BLK: variants seen among roughly 807,000 people sequenced by gnomAD.
The protein encoded by BLK is BLK proto-oncogene, Src family tyrosine kinase, also known as tyrosine-protein kinase Blk.
BLK carries 64 observed loss-of-function variants against 61.8 expected under a neutral mutation model. That is an observed-to-expected ratio of 1.03 (90% confidence interval 0.85 to 1.27). The LOEUF (loss-of-function observed/expected upper bound fraction) is 1.27, where lower values mean the gene tolerates loss of function less well. Among genes scored for constraint, BLK ranks in the 50% most tolerant of loss-of-function variants. The pLI is 0.00. For synonymous variants in BLK, 351 were observed against 272.0 expected (o/e 1.29, Z -2.86); for missense variants, 853 against 660.5 (o/e 1.29, Z -3.19).
intron 1 of BLK, among the ~76,000 whole-genome samples, chr8:11,538,663 G>A (rs1045501858): frequency 6.6e-6 from 1 of 152,220 alleles, no homozygotes. Context: ...AGAAAGACAA[G>A]AGGGCTGGTC....
intron 5 of BLK, among the ~76,000 whole-genome samples, chr8:11,549,343 A>G (rs2117491394): frequency 6.6e-6 from 1 of 152,274 alleles, no homozygotes; most frequent in South Asian, 2.1e-4. Context: ...TTCCCAGCTA[A>G]ACAAGAGCGG....
At chr8:11,530,305 G>C (rs780006787) in intron 1 of BLK, among the ~76,000 whole-genome samples, 17 of 152,170 alleles carry the variant, frequency 1.1e-4, no homozygotes, top group Non-Finnish European at 2.4e-4. Flanking sequence ...ACAAAGCTTG[G>C]AGTTCCTGGG....
chr8:11,545,791 T>C (rs1585391949), intron 2 of BLK: 2 of 517,518 alleles, frequency 3.9e-6, no homozygotes, highest in East Asian at 3.2e-5. Flanking sequence ...CTTTCCCTCA[T>C]TGTCCACAGC....
intron 1 of BLK, among the ~76,000 whole-genome samples, chr8:11,504,467 C>T (rs994166456): frequency 6.6e-6 from 1 of 151,724 alleles, no homozygotes; most frequent in Non-Finnish European, 1.5e-5. Context: ...CCTTTGTGGC[C>T]AAGGAAAGGG....
rs755867255 is a variant in BLK at position 11,548,050 on chromosome 8, C to T, written c.194C>T (p.Ala65Val). The change falls in exon 4 of 13, where the codon GCT becomes GTT. Residue 65 changes from alanine to valine, a missense_variant. Transcript: ENST00000259089. ...ATTTTAGACAAGCATTTCGTGGTGG[C>T]TCTGTATGACTACACCGCTATGAAT... ...HLDEDKHFVV[A>V]LYDYTAMNDR... 3.1e-6 allele frequency: 5 copies of T among 1,613,950 alleles called. No homozygotes were observed. In the African/African-American group the frequency reaches 6.7e-5, roughly 22 times the overall value.
intron 1 of BLK, among the ~76,000 whole-genome samples, chr8:11,502,584 G>A (rs1242490966): frequency 4.6e-5 from 7 of 152,132 alleles, no homozygotes; most frequent in Admixed American, 1.3e-4. Context: ...CACCACGCCC[G>A]GCCCGTATAG....
intron 6 of BLK, among the ~76,000 whole-genome samples, chr8:11,551,115 C>T (rs769475456): frequency 6.6e-6 from 1 of 152,102 alleles, no homozygotes; most frequent in Non-Finnish European, 1.5e-5. Context: ...GTTTTTTCAG[C>T]TTGATGTAGA....
intron 1 of BLK, among the ~76,000 whole-genome samples, chr8:11,512,427 C>G (rs376572950): frequency 2.0e-4 from 31 of 152,318 alleles, no homozygotes; most frequent in African/African-American, 7.0e-4. Context: ...AGCCATCTGA[C>G]ACAGATGTGG....
In BLK at chr8:11,504,432, C is replaced by T. The variant is rs374095344; in HGVS notation, c.-2+9841C>T. ...AAAAGAAAAAAAAAAGAAAAGATCC[C>T]ATTCACCTGCACAAAAGCCACACCC... On this transcript the variant is annotated intron_variant, in intron 1 of 12. Coordinates refer to ENST00000259089, the MANE Select transcript of BLK (RefSeq NM_001715.3). Among the ~76,000 whole-genome samples, 49 of 142,562 alleles carry T rather than the reference C, an allele frequency of 3.4e-4. No individual in the cohort carries two copies. The East Asian group carries it at 5.1e-3, about 15-fold the overall frequency. 93.5% of individuals were successfully genotyped at this position (142,562 alleles called of 152,430 possible). A position where few individuals can be genotyped will look rare whatever the true frequency, so the allele number is the denominator to read the frequency against.
intron 1 of BLK, among the ~76,000 whole-genome samples, chr8:11,523,073 A>C (rs977413852): frequency 6.6e-6 from 1 of 152,196 alleles, no homozygotes; most frequent in Non-Finnish European, 1.5e-5. Flanking sequence ...TTATACATTT[A>C]AAATATTCAT....
Position 11,548,138 on chromosome 8 carries a change from G to T in BLK, c.269+13G>T, listed in dbSNP as rs144839649. On this transcript the variant is annotated intron_variant, in intron 4 of 12. Transcript: ENST00000259089. ...AGGTCCTGAAGGGGTGAGGTTCCAG[G>T]ACACCATCCCCTGTCCCTGCAGGAC... is the stretch of plus-strand genomic sequence containing the variant. The T allele has an allele frequency of 1.4e-5, 22 of 1,606,170 alleles. No homozygotes were observed. The highest frequency in any genetic ancestry group is 1.1e-4 in the East Asian group (5 of 44,858).
intron 1 of BLK, among the ~76,000 whole-genome samples, chr8:11,521,888 G>C (rs1585350232): frequency 6.6e-6 from 1 of 152,032 alleles, no homozygotes; most frequent in East Asian, 1.9e-4. Flanking sequence ...TCTCTTCATA[G>C]ATATCTTTTC....
intron 1 of BLK, among the ~76,000 whole-genome samples, chr8:11,514,553 G>T (rs1439981997): frequency 1.3e-5 from 2 of 152,200 alleles, no homozygotes; most frequent in African/African-American, 4.8e-5. Flanking sequence ...AGAGGCTGGG[G>T]TACAAGTGAC....
chr8:11,534,400 TC>T (rs907339839), intron 1 of BLK, among the ~76,000 whole-genome samples: 14 of 151,498 alleles, frequency 9.2e-5, no homozygotes, highest in African/African-American at 1.5e-4. Flanking sequence ...TACATGGTGT[TC>T]CCCCCCCAAA....
At position 11,547,905 on chromosome 8, in the gene BLK, T is replaced by C. The variant is rs1237527017; in HGVS notation, c.176-127T>C. ...CAGGGCTGGGGGTGGGGGCCTGTGC[T>C]GGGTGAGAACATCATTTCCATCGTG... On this transcript the variant is annotated intron_variant, in intron 3 of 12. Transcript: ENST00000259089. The C allele has an allele frequency of 4.7e-6, 4 of 847,478 alleles. No homozygotes were observed. The African/African-American group carries it at 6.7e-5, about 14-fold the overall frequency. The allele number at this position is 847,478 out of a possible 1,614,324, so 52.5% of individuals were successfully genotyped here.
At chr8:11,513,313 C>T (rs1585335660) in intron 1 of BLK, among the ~76,000 whole-genome samples, 1 of 152,160 alleles carries the variant, frequency 6.6e-6, no homozygotes, top group African/African-American at 2.4e-5. Flanking sequence ...ATGCTGGCAG[C>T]AATGAAGACC....
At chr8:11,526,452 C>G (rs1563441244) in intron 1 of BLK, among the ~76,000 whole-genome samples, 1 of 152,174 alleles carries the variant, frequency 6.6e-6, no homozygotes, top group Non-Finnish European at 1.5e-5. Context: ...GACTTGGTGG[C>G]TCATACTTGT....
At chr8:11,559,368 C>A (rs80187053) in intron 10 of BLK, among the ~76,000 whole-genome samples, 5,699 of 149,968 alleles carry the variant, frequency 0.038, 366 homozygotes, top group African/African-American at 0.13. Flanking sequence ...CACAGACTCA[C>A]ACAGACACGC....
intron 1 of BLK, among the ~76,000 whole-genome samples, chr8:11,505,733 T>G (rs781068417): frequency 6.6e-6 from 1 of 152,180 alleles, no homozygotes; most frequent in Non-Finnish European, 1.5e-5. Context: ...CCTCTGTGTT[T>G]GAGAACAAGG....
Sources: allele counts gnomAD v4.1 joint callset (sites outside exome capture counted in the v4.1 genomes callset), GRCh38; gene constraint gnomAD v4.1.1; transcripts MANE v1.5; gene names NCBI Gene and HGNC (gene_info 2026-07-23, HGNC 2026-07-21).